CLASP1: variants seen among roughly 807,000 people sequenced by gnomAD.
CLASP1 encodes the protein cytoplasmic linker associated protein 1.
A neutral mutation model predicts 192.3 loss-of-function variants in CLASP1; 38 were observed. The observed-to-expected ratio is 0.20, with a 90% CI of 0.15 to 0.26. CLASP1 has a LOEUF of 0.26. CLASP1 is among the 10% of genes least tolerant of loss of function. The pLI, the probability that CLASP1 is intolerant of heterozygous loss-of-function variation, is 1.00. For synonymous variants in CLASP1, 691 were observed against 712.8 expected (o/e 0.97, Z 0.49); for missense variants, 1,433 against 1,932.5 (o/e 0.74, Z 4.85).
At chr2:121,631,001 TAC>T (rs1287978283) in intron 1 of CLASP1, among the ~76,000 whole-genome samples, 3 of 149,674 alleles carry the variant, frequency 2.0e-5, no homozygotes, top group African/African-American at 7.4e-5. Context: ...CTACTAAAAA[TAC>T]AAAAAATTAG....
intron 2 of CLASP1, among the ~76,000 whole-genome samples, chr2:121,548,323 C>T (rs139245949): frequency 1.3e-5 from 2 of 152,170 alleles, no homozygotes; most frequent in African/African-American, 4.8e-5. Context: ...AATCTTAGAA[C>T]TTGAAGACTG....
chr2:121,447,212 G>C, intron 19 of CLASP1, 125 bp downstream of exon 19: 1 of 898,194 alleles, frequency 1.1e-6, no homozygotes, highest in African/African-American at 1.7e-5. Context: ...AAGCTACTTA[G>C]ATTTAAATAG....
chr2:121,530,483 G>A, intron 2 of CLASP1, 158 bp from the exon 3 acceptor site: 1 of 603,732 alleles, frequency 1.7e-6, no homozygotes, highest in Non-Finnish European at 3.0e-6. Flanking sequence ...CACGAAGAAG[G>A]ATGATCTTCC....
At chr2:121,560,534 A>G (rs951449951) in intron 2 of CLASP1, among the ~76,000 whole-genome samples, 10 of 152,194 alleles carry the variant, frequency 6.6e-5, no homozygotes, top group African/African-American at 2.4e-4. Flanking sequence ...GCCAGGAAGG[A>G]ATGGAAGACA....
At chr2:121,468,444 ATC>A (rs1295337760) in intron 9 of CLASP1, among the ~76,000 whole-genome samples, 1 of 152,150 alleles carries the variant, frequency 6.6e-6, no homozygotes, top group Non-Finnish European at 1.5e-5. Flanking sequence ...ATCGTCTCTG[ATC>A]TCTTTGAGCA....
At chr2:121,484,824 C>T (rs1167081617) in intron 8 of CLASP1, among the ~76,000 whole-genome samples, 1 of 152,158 alleles carries the variant, frequency 6.6e-6, no homozygotes, top group African/African-American at 2.4e-5. Context: ...AGGCTAGTTG[C>T]CACCTGACTT....
chr2:121,638,618 T>G (rs2071363843), intron 1 of CLASP1, among the ~76,000 whole-genome samples: 1 of 151,064 alleles, frequency 6.6e-6, no homozygotes, highest in Non-Finnish European at 1.5e-5. Context: ...ATGTGGTATA[T>G]CCATACAATA....
chr2:121,563,781 G>A (rs1244624782), intron 2 of CLASP1, among the ~76,000 whole-genome samples: 6 of 152,190 alleles, frequency 3.9e-5, no homozygotes, highest in African/African-American at 1.4e-4. Flanking sequence ...AAAAGAATGA[G>A]CAAGGGGTGA....
intron 2 of CLASP1, among the ~76,000 whole-genome samples, chr2:121,542,816 G>T (rs1389968468): frequency 6.6e-6 from 1 of 152,166 alleles, no homozygotes; most frequent in Non-Finnish European, 1.5e-5. Context: ...AGGTATTTAG[G>T]ATCATCACAC....
chr2:121,351,654 G>A (rs915520988), intron 37 of CLASP1, among the ~76,000 whole-genome samples: 4 of 152,110 alleles, frequency 2.6e-5, no homozygotes, highest in South Asian at 2.1e-4. Context: ...CCATCACCAC[G>A]TAGCCGGCAC....
At chr2:121,403,444 T>C (rs1449830640) in intron 26 of CLASP1, 2 of 456,704 alleles carry the variant, frequency 4.4e-6, no homozygotes, top group African/African-American at 2.0e-5. Flanking sequence ...AAGAAGATGA[T>C]GATGACTAAC....
In CLASP1 at chr2:121,393,888, TC is replaced by T. The variant is rs2074810086; in HGVS notation, c.3123+3251del. 4.2e-5 allele frequency among the ~76,000 whole-genome samples: 6 copies of T among 142,210 alleles called. No individual in the cohort carries two copies. In the South Asian group the frequency reaches 1.3e-3, roughly 31 times the overall value. 93.3% of individuals were successfully genotyped at this position (142,210 alleles called of 152,430 possible). On this transcript the variant is annotated intron_variant, in intron 30 of 39. Coordinates refer to ENST00000263710, the Ensembl canonical transcript of CLASP1. Reference sequence around the variant, plus strand: ...TGGATGATTAAAAAAAAAAAAAAAATCCAGAGGGTGCCAGAATACAGACATG... The same window carrying T: ...TGGATGATTAAAAAAAAAAAAAAAATCAGAGGGTGCCAGAATACAGACATG...
exon 33 of CLASP1, chr2:121,382,272 A>T: frequency 6.2e-7 from 1 of 1,605,160 alleles, no homozygotes; most frequent in Non-Finnish European, 8.5e-7. Flanking sequence ...TTAGGCTGAG[A>T]AAAGGGAGGT....
At chr2:121,512,844 A>G (rs2094178024) in intron 7 of CLASP1, 1 of 152,244 alleles carries the variant, frequency 6.6e-6, no homozygotes, top group Non-Finnish European at 1.5e-5. Flanking sequence ...ATTCTTCTCA[A>G]CATACTCTCT....
At chr2:121,620,569 C>T (rs895225078) in intron 1 of CLASP1, among the ~76,000 whole-genome samples, 3 of 151,990 alleles carry the variant, frequency 2.0e-5, no homozygotes, top group Non-Finnish European at 4.4e-5. Context: ...AGGATGGTCT[C>T]GATCTATTGA....
At chr2:121,373,910 A>T (rs2069338307) in intron 34 of CLASP1, among the ~76,000 whole-genome samples, 1 of 152,262 alleles carries the variant, frequency 6.6e-6, no homozygotes, top group African/African-American at 2.4e-5. Flanking sequence ...AGTTTGGAAA[A>T]TTTGCAGCCC....
intron 22 of CLASP1, among the ~76,000 whole-genome samples, chr2:121,419,667 T>C (rs929179783): frequency 6.6e-6 from 1 of 151,542 alleles, no homozygotes; most frequent in Non-Finnish European, 1.5e-5. Flanking sequence ...ATAACTGGGC[T>C]GTGAAGCTTA....
At chr2:121,342,169 T>A (rs1282389958) in intron 39 of CLASP1, among the ~76,000 whole-genome samples, 1 of 152,054 alleles carries the variant, frequency 6.6e-6, no homozygotes, top group Non-Finnish European at 1.5e-5. Context: ...AGGCCCAGGC[T>A]GGAGTGCAGT....
rs114915416 is a variant in CLASP1, at chr2:121,457,223, A to G, written c.1385+464T>C. On this transcript the variant is annotated intron_variant, in intron 14 of 39. Coordinates refer to ENST00000263710, the Ensembl canonical transcript of CLASP1. ...ACAGTGAAGATTCAGAATCCCAGAA[A>G]TCGCTAACAGAAGATGCAAACACAT... Among the ~76,000 whole-genome samples, 1,362 of 152,348 alleles carry G rather than the reference A, an allele frequency of 8.9e-3. 14 individuals are homozygous for G. The highest frequency in any genetic ancestry group is 0.03 in the African/African-American group (1,260 of 41,568).
Sources: allele counts gnomAD v4.1 joint callset (sites outside exome capture counted in the v4.1 genomes callset), GRCh38; gene constraint gnomAD v4.1.1; transcripts MANE v1.5; gene names NCBI Gene and HGNC (gene_info 2026-07-23, HGNC 2026-07-21).